Variants in PXDNL observed in about 807,000 individuals in gnomAD.
PXDNL encodes probable oxidoreductase PXDNL.
In PXDNL, 145 loss-of-function variants were observed where a neutral mutation model predicts 150.8. The ratio of observed to expected loss-of-function variants is 0.96; its 90% CI spans 0.84 to 1.10. The LOEUF is 1.10. PXDNL is among the 50% of genes least tolerant of loss of function. The pLI, the probability that PXDNL is intolerant of heterozygous loss-of-function variation, is 0.00. For synonymous variants in PXDNL, 757 were observed against 725.7 expected, an observed-to-expected ratio of 1.04 and a Z score of -0.69; for missense variants, 2,087 against 1,873.9, an observed-to-expected ratio of 1.11 and a Z score of -2.10.
chr8:51,540,973 C>G (rs1462736801), intron 4 of PXDNL, among the ~76,000 whole-genome samples: 2 of 151,538 alleles, frequency 1.3e-5, no homozygotes, highest in Non-Finnish European at 2.9e-5. Flanking sequence ...GAATATTGGA[C>G]TTTCAGCTGG....
chr8:51,715,739 G>T (rs551965445), intron 1 of PXDNL, among the ~76,000 whole-genome samples: 2 of 152,080 alleles, frequency 1.3e-5, no homozygotes. Context: ...TTAATGGTGC[G>T]GAGGTACCAG....
chr8:51,382,372 A>G (rs890174325), intron 17 of PXDNL, among the ~76,000 whole-genome samples: 4 of 152,164 alleles, frequency 2.6e-5, no homozygotes, highest in African/African-American at 9.7e-5. Flanking sequence ...GTGGGATGAT[A>G]AACTTCTGAT....
At chr8:51,396,035 T>C (rs1451105440) in intron 17 of PXDNL, among the ~76,000 whole-genome samples, 1 of 152,210 alleles carries the variant, frequency 6.6e-6, no homozygotes, top group African/African-American at 2.4e-5. Flanking sequence ...CTACAGGTAC[T>C]GACACTAATG....
intron 4 of PXDNL, among the ~76,000 whole-genome samples, chr8:51,534,858 C>T (rs1812027912): frequency 8.2e-6 from 1 of 121,662 alleles, no homozygotes; most frequent in Non-Finnish European, 1.6e-5. Context: ...GGATCAGCCC[C>T]CCGCCTGGCC....
At chr8:51,412,836 C>T (rs540327868) in intron 15 of PXDNL, among the ~76,000 whole-genome samples, 3 of 152,324 alleles carry the variant, frequency 2.0e-5, no homozygotes, top group East Asian at 1.9e-4. Context: ...TCAATTCACA[C>T]ATTGCAGGAG....
chr8:51,426,599 A>G, intron 13 of PXDNL, 47 bp downstream of exon 13: 1 of 1,084,176 alleles, frequency 9.2e-7, no homozygotes, highest in South Asian at 1.4e-5. Flanking sequence ...GGGTCGATAC[A>G]TCTGTCAGTG....
At chr8:51,750,890 G>T (rs565563126) in intron 1 of PXDNL, among the ~76,000 whole-genome samples, 14 of 152,308 alleles carry the variant, frequency 9.2e-5, no homozygotes, top group African/African-American at 2.2e-4. Flanking sequence ...CATGGAGAAG[G>T]GGGGATGGTT....
In PXDNL at chr8:51,457,614, G is replaced by A; in HGVS notation, c.866C>T (p.Thr289Ile). ...DTRLNVFDDG[T>I]LMIRNTRESD... ...CTCTCTGGTGTTTCGGATCATGAGTGTGCCATCATCAAACACATTAAGTCG... is the reference window on the plus strand; with the variant it reads ...CTCTCTGGTGTTTCGGATCATGAGTATGCCATCATCAAACACATTAAGTCG... The change falls in exon 9 of 23, where the codon ACA becomes ATA. Residue 289 changes from threonine to isoleucine, a missense_variant. Physicochemically the swap from Thr to Ile is moderately conservative, Grantham distance 89. Coordinates refer to ENST00000356297, the MANE Select transcript of PXDNL (RefSeq NM_144651.5). The A allele has an allele frequency of 6.2e-7, 1 of 1,613,786 alleles. No individual in the cohort carries two copies. Among genetic ancestry groups the A allele is most frequent in the Non-Finnish European group, 8.5e-7 (1 of 1,179,798 alleles).
chr8:51,774,673 C>A (rs529571379), intron 1 of PXDNL, among the ~76,000 whole-genome samples: 1 of 152,052 alleles, frequency 6.6e-6, no homozygotes, highest in African/African-American at 2.4e-5. Context: ...AAAAAATTAG[C>A]CAGGCATGGT....
intron 3 of PXDNL, among the ~76,000 whole-genome samples, chr8:51,578,094 AAGAAAGAAAAAGAAAG>A (rs1813127345): frequency 1.4e-5 from 2 of 142,610 alleles, no homozygotes; most frequent in African/African-American, 5.5e-5. Context: ...AAGAGAAAGA[AAGAAAGAAAAAGAAAG>A]AAAGAAAGAA....
At chr8:51,602,909 A>G (rs1813756468) in intron 2 of PXDNL, among the ~76,000 whole-genome samples, 1 of 151,516 alleles carries the variant, frequency 6.6e-6, no homozygotes, top group Non-Finnish European at 1.5e-5. Context: ...TTTGTATCAT[A>G]CTTAGGCTTT....
intron 4 of PXDNL, among the ~76,000 whole-genome samples, chr8:51,553,769 T>TATATATATATATATATAC: frequency 1.7e-5 from 1 of 59,304 alleles, no homozygotes; most frequent in African/African-American, 1.6e-4. Flanking sequence ...TATATATATA[T>TATATATATATATATATAC]ATACACACAC....
At chr8:51,611,146 C>T (rs980782777) in intron 2 of PXDNL, among the ~76,000 whole-genome samples, 3 of 152,118 alleles carry the variant, frequency 2.0e-5, no homozygotes, top group Admixed American at 2.0e-4. Flanking sequence ...GATTGCTTGG[C>T]TTTATTTGTA....
At chr8:51,534,795 G>A (rs1309563171) in intron 4 of PXDNL, among the ~76,000 whole-genome samples, 5 of 113,892 alleles carry the variant, frequency 4.4e-5, no homozygotes, top group African/African-American at 7.4e-5. Flanking sequence ...GGAGGGAGGT[G>A]GGGGGGTCAG....
At chr8:51,420,077 A>G (rs1048388727) in intron 14 of PXDNL, among the ~76,000 whole-genome samples, 1 of 152,202 alleles carries the variant, frequency 6.6e-6, no homozygotes, top group Non-Finnish European at 1.5e-5. Flanking sequence ...TATAATGCGT[A>G]GATGGTTGTG....
At chr8:51,692,684 G>T (rs768581000) in intron 1 of PXDNL, among the ~76,000 whole-genome samples, 1 of 152,192 alleles carries the variant, frequency 6.6e-6, no homozygotes, top group East Asian at 1.9e-4. Context: ...TGCCAACACC[G>T]TAATTCTAAG....
chr8:51,486,794 ATTTTTTTTTTTTTTTTT>A (rs1195750381), intron 5 of PXDNL, among the ~76,000 whole-genome samples: 15 of 24,710 alleles, frequency 6.1e-4, no homozygotes, highest in African/African-American at 2.6e-3. Flanking sequence ...ATATATATAT[ATTTTTTTTTTTTTTTTT>A]TTTTTTTTTT....
intron 1 of PXDNL, among the ~76,000 whole-genome samples, chr8:51,744,848 GGAAAGAAGGAAAGA>G (rs1467125139): frequency 7.3e-6 from 1 of 136,126 alleles, no homozygotes; most frequent in East Asian, 2.1e-4. Flanking sequence ...AAGGAAGGAA[GGAAAGAAGGAAAGA>G]GAAAGAAAAG....
chr8:51,520,431 C>T (rs548148904), intron 4 of PXDNL, among the ~76,000 whole-genome samples: 1 of 151,584 alleles, frequency 6.6e-6, no homozygotes, highest in Admixed American at 6.5e-5. Flanking sequence ...CACTCCACGC[C>T]GCACCAGGAG....
Sources: gnomAD v4.1 joint callset for allele counts (sites outside exome capture counted in the v4.1 genomes callset) on GRCh38, gnomAD v4.1.1 for gene constraint, MANE v1.5 for transcripts, NCBI Gene and HGNC (gene_info 2026-07-23, HGNC 2026-07-21) for gene names.